ITPR2: variants seen among roughly 807,000 people sequenced by gnomAD.
The protein encoded by ITPR2 is inositol 1,4,5-trisphosphate-gated calcium channel ITPR2.
In ITPR2, 207 loss-of-function variants were observed where a neutral mutation model predicts 317.1. The observed-to-expected ratio is 0.65, with a 90% CI of 0.58 to 0.73. ITPR2 has a LOEUF of 0.73. Among genes scored for constraint, ITPR2 ranks in the 30% least tolerant of loss-of-function variants. The pLI is 0.00. For missense variants in ITPR2, 2,613 were observed against 3,284.0 expected (o/e 0.80, Z 4.99); for synonymous variants, 1,156 against 1,149.1 (o/e 1.01, Z -0.12).
chr12:26,629,724 C>T (rs1946704877), intron 22 of ITPR2, among the ~76,000 whole-genome samples: 2 of 152,120 alleles, frequency 1.3e-5, no homozygotes, highest in African/African-American at 4.8e-5. Flanking sequence ...GTCTCAGTCT[C>T]TCTCTTTCTC....
intron 42 of ITPR2, among the ~76,000 whole-genome samples, chr12:26,483,453 A>G (rs2306677): frequency 0.85 from 129,081 of 152,238 alleles, 55,173 homozygotes; most frequent in Non-Finnish European, 0.91. Context: ...GTCATGACAC[A>G]TATTTCACTT....
In ITPR2 at chr12:26,344,615, C is replaced by T. The variant is rs191683523; in HGVS notation, c.7858-4287G>A. On this transcript the variant is annotated intron_variant, in intron 55 of 56. Transcript: ENST00000381340. ...AATGGCAGCTCTCAGTGGACCATAG[C>T]TGGTGCCATTTGAGCCACAGAACTC... 2.0e-5 allele frequency among the ~76,000 whole-genome samples: 3 copies of T among 149,856 alleles called. No individual in the cohort carries two copies. In the East Asian group the frequency reaches 6.0e-4, roughly 30 times the overall value.
intron 3 of ITPR2, 99 bp downstream of exon 3, chr12:26,725,551 G>T: frequency 1.3e-6 from 1 of 764,110 alleles, no homozygotes. Context: ...AAATCTCTGT[G>T]TTTTGGGTGA....
chr12:26,495,478 T>G lies in ITPR2; in HGVS notation c.5074-218A>C, dbSNP rs1942911918. ...AATAAATAAAGAGGGTGGGAGAAGC[T>G]TTTTGGAGGTGACGAACAGGTTTAT... On this transcript the variant is annotated intron_variant, in intron 37 of 56. Transcript: ENST00000381340. 6.5e-6 allele frequency: 3 copies of G among 463,334 alleles called. No homozygotes were observed. In the South Asian group the frequency reaches 8.1e-5, roughly 12 times the overall value. The allele number at this position is 463,334 out of a possible 1,614,324, so 28.7% of individuals were successfully genotyped here. A position where few individuals can be genotyped will look rare whatever the true frequency, so the allele number is the denominator to read the frequency against.
intron 37 of ITPR2, among the ~76,000 whole-genome samples, chr12:26,518,852 A>G (rs1042597709): frequency 6.6e-6 from 1 of 152,176 alleles, no homozygotes; most frequent in Non-Finnish European, 1.5e-5. Flanking sequence ...GGAAATAACT[A>G]AAGAAACAGA....
chr12:26,765,534 T>C (rs976535582), intron 2 of ITPR2, among the ~76,000 whole-genome samples: 3 of 152,164 alleles, frequency 2.0e-5, no homozygotes. Flanking sequence ...GCTGATTGGA[T>C]GGATGTAATA....
At chr12:26,751,200 A>G (rs1949409204) in intron 2 of ITPR2, among the ~76,000 whole-genome samples, 1 of 152,180 alleles carries the variant, frequency 6.6e-6, no homozygotes, top group African/African-American at 2.4e-5. Flanking sequence ...AGTAATACAT[A>G]TATGTAACTT....
At chr12:26,479,080 T>A (rs76582497) in intron 43 of ITPR2, among the ~76,000 whole-genome samples, 2,895 of 151,338 alleles carry the variant, frequency 0.019, 72 homozygotes, top group African/African-American at 0.054. Flanking sequence ...ATTGTTCTTA[T>A]ATTGGCCAAT....
At chr12:26,594,978 A>C (rs1945805117) in intron 32 of ITPR2, among the ~76,000 whole-genome samples, 1 of 152,208 alleles carries the variant, frequency 6.6e-6, no homozygotes, top group African/African-American at 2.4e-5. Context: ...CAGATGATTA[A>C]ATTACTGGAG....
chr12:26,372,971 CT>C (rs1939229603), intron 55 of ITPR2, among the ~76,000 whole-genome samples: 1 of 152,206 alleles, frequency 6.6e-6, no homozygotes, highest in Admixed American at 6.5e-5. Flanking sequence ...AGAAAATTCA[CT>C]GTCTGTCCAT....
At chr12:26,416,016 G>C (rs1940710065) in intron 50 of ITPR2, among the ~76,000 whole-genome samples, 1 of 152,144 alleles carries the variant, frequency 6.6e-6, no homozygotes, top group African/African-American at 2.4e-5. Flanking sequence ...AGTTTCATGA[G>C]TCTGATGCAG....
intron 55 of ITPR2, among the ~76,000 whole-genome samples, chr12:26,380,861 C>T (rs1218918152): frequency 6.6e-6 from 1 of 152,188 alleles, no homozygotes. Context: ...CAGAAAACAA[C>T]ATTTGGGAAA....
intron 2 of ITPR2, among the ~76,000 whole-genome samples, chr12:26,729,601 C>T (rs1453509610): frequency 6.6e-6 from 1 of 152,136 alleles, no homozygotes; most frequent in Non-Finnish European, 1.5e-5. Context: ...GGTACATATA[C>T]ACCATGGAAT....
At chr12:26,832,633 G>T (rs1480826660) in intron 1 of ITPR2, 57 bp downstream of exon 1, 9 of 1,352,934 alleles carry the variant, frequency 6.7e-6, no homozygotes, top group African/African-American at 3.0e-5. Flanking sequence ...GGAGGGACAG[G>T]GACTGGTTCC....
At chr12:26,680,596 T>C (rs983960715) in intron 13 of ITPR2, among the ~76,000 whole-genome samples, 13 of 152,350 alleles carry the variant, frequency 8.5e-5, no homozygotes, top group Admixed American at 2.6e-4. Flanking sequence ...ATTCTATCAA[T>C]CAAATACATT....
At chr12:26,484,816 A>T (rs1318094000) in intron 41 of ITPR2, among the ~76,000 whole-genome samples, 2 of 152,024 alleles carry the variant, frequency 1.3e-5, no homozygotes, top group Non-Finnish European at 2.9e-5. Flanking sequence ...GGTTCACGCC[A>T]TTCTCCTGCC....
At chr12:26,476,031 A>G (rs1343280512) in intron 44 of ITPR2, among the ~76,000 whole-genome samples, 2 of 152,244 alleles carry the variant, frequency 1.3e-5, no homozygotes, top group African/African-American at 4.8e-5. Context: ...GAATAAATAT[A>G]TGATTCACTG....
chr12:26,673,198 G>A (rs1947828556), intron 13 of ITPR2, among the ~76,000 whole-genome samples: 3 of 152,112 alleles, frequency 2.0e-5, no homozygotes, highest in Admixed American at 6.5e-5. Flanking sequence ...ATTTTATGAG[G>A]CCAGCATCAT....
intron 9 of ITPR2, among the ~76,000 whole-genome samples, chr12:26,699,927 A>T (rs895063793): frequency 1.3e-5 from 2 of 152,212 alleles, no homozygotes; most frequent in Non-Finnish European, 2.9e-5. Context: ...AAAAAAATAA[A>T]TTATAAATCT....
Sources: gnomAD v4.1 joint callset for allele counts (sites outside exome capture counted in the v4.1 genomes callset) on GRCh38, gnomAD v4.1.1 for gene constraint, MANE v1.5 for transcripts, NCBI Gene and HGNC (gene_info 2026-07-23, HGNC 2026-07-21) for gene names.